Variants in ADGRB3 observed in about 807,000 individuals in gnomAD.
ADGRB3 encodes adhesion G protein-coupled receptor B3, also known as brain-specific angiogenesis inhibitor 3.
Under a neutral mutation model 193.4 loss-of-function variants are expected in ADGRB3, and 37 were observed. That is an observed-to-expected ratio of 0.19 (90% CI 0.15 to 0.25). The LOEUF (loss-of-function observed/expected upper bound fraction) is 0.25. Ranked by LOEUF, ADGRB3 falls within the 10% of genes least tolerant of loss-of-function variation. ADGRB3 has a pLI of 1.00. For missense variants in ADGRB3, 1,637 were observed against 1,852.9 expected, an observed-to-expected ratio of 0.88 and a Z score of 2.14; for synonymous variants, 690 against 644.2, an observed-to-expected ratio of 1.07 and a Z score of -1.08.
chr6:69,011,262 T>G (rs547583688), intron 11 of ADGRB3, among the ~76,000 whole-genome samples: 10 of 151,858 alleles, frequency 6.6e-5, no homozygotes, highest in African/African-American at 2.4e-4. Context: ...GCGCAAAATG[T>G]GGCACATGTA....
intron 20 of ADGRB3, among the ~76,000 whole-genome samples, chr6:69,305,756 C>G (rs948219467): frequency 1.2e-4 from 18 of 151,192 alleles, no homozygotes; most frequent in Admixed American, 4.0e-4. Context: ...GACCACAGAG[C>G]CTTCTCTTAC....
intron 3 of ADGRB3, among the ~76,000 whole-genome samples, chr6:68,717,016 G>A (rs922376962): frequency 6.6e-6 from 1 of 151,644 alleles, no homozygotes; most frequent in African/African-American, 2.4e-5. Context: ...TCACGTAGGA[G>A]CTTATCTTTC....
chr6:68,788,938 T>C (rs1303677793), intron 3 of ADGRB3, among the ~76,000 whole-genome samples: 8 of 152,220 alleles, frequency 5.3e-5, no homozygotes, highest in Non-Finnish European at 1.2e-4. Flanking sequence ...TGAACTTTGT[T>C]GGTTTAAAGT....
chr6:68,944,885 G>T (rs1321785178), intron 6 of ADGRB3, among the ~76,000 whole-genome samples: 1 of 152,108 alleles, frequency 6.6e-6, no homozygotes, highest in Non-Finnish European at 1.5e-5. Context: ...ATAAGTAATC[G>T]CTCTCTTCTT....
chr6:69,256,818 C>A (rs1766784739), intron 20 of ADGRB3, among the ~76,000 whole-genome samples: 1 of 152,270 alleles, frequency 6.6e-6, no homozygotes, highest in Non-Finnish European at 1.5e-5. Context: ...TTTGCCCATT[C>A]TGTATGATAT....
At chr6:69,273,099 C>T (rs1461852192) in intron 20 of ADGRB3, among the ~76,000 whole-genome samples, 1 of 152,122 alleles carries the variant, frequency 6.6e-6, no homozygotes, top group Non-Finnish European at 1.5e-5. Context: ...CGGGGTTTCA[C>T]CATGTTGGCC....
chr6:68,928,848 A>G (rs1767256314), intron 3 of ADGRB3, among the ~76,000 whole-genome samples: 2 of 152,190 alleles, frequency 1.3e-5, no homozygotes, highest in South Asian at 4.1e-4. Context: ...TACAAATTCA[A>G]GAGGAAATAA....
chr6:68,884,421 G>A (rs557000078), intron 3 of ADGRB3, among the ~76,000 whole-genome samples: 5 of 152,306 alleles, frequency 3.3e-5, no homozygotes, highest in Non-Finnish European at 7.4e-5. Context: ...TGGATTGAGA[G>A]TGAGAACATG....
chr6:69,091,212 A>G (rs1158106058), intron 17 of ADGRB3, among the ~76,000 whole-genome samples: 1 of 152,208 alleles, frequency 6.6e-6, no homozygotes, highest in African/African-American at 2.4e-5. Context: ...TCGTTCAGCC[A>G]TTGTGGAAGA....
chr6:68,642,765 G>T (rs1768110971), intron 3 of ADGRB3, among the ~76,000 whole-genome samples: 1 of 148,684 alleles, frequency 6.7e-6, no homozygotes, highest in Non-Finnish European at 1.5e-5. Flanking sequence ...CTTATTTCAG[G>T]CAGCTTTTTA....
At chr6:69,183,480 A>G (rs917977849) in intron 17 of ADGRB3, among the ~76,000 whole-genome samples, 1 of 152,024 alleles carries the variant, frequency 6.6e-6, no homozygotes, top group Non-Finnish European at 1.5e-5. Flanking sequence ...TGGAATTCCA[A>G]TTTCTGAAGT....
Position 69,187,341 on chromosome 6 carries a change from G to T in ADGRB3, c.2481-45949G>T, listed in dbSNP as rs367809228. Among the ~76,000 whole-genome samples, 187 of 152,242 alleles carry T rather than the reference G, an allele frequency of 1.2e-3. 2 individuals carry two copies. In the South Asian group the frequency reaches 0.031, roughly 25 times the overall value. On this transcript the variant is annotated intron_variant, in intron 17 of 31. Coordinates refer to ENST00000370598, the MANE Select transcript of ADGRB3 (RefSeq NM_001704.3). ...GACATAAGAATTTTGCCAGATATGA[G>T]GTTTAGGATGATAACAACTGCTATT...
intron 3 of ADGRB3, among the ~76,000 whole-genome samples, chr6:68,900,599 T>C (rs1766367753): frequency 6.6e-6 from 1 of 152,128 alleles, no homozygotes; most frequent in Non-Finnish European, 1.5e-5. Flanking sequence ...CCCCAGCCAC[T>C]CCTGTCATTG....
chr6:68,827,413 G>A lies in ADGRB3; in HGVS notation c.758-103146G>A, dbSNP rs186479083. 3.8e-3 allele frequency among the ~76,000 whole-genome samples: 573 copies of A among 152,112 alleles called. 3 individuals carry two copies. The highest frequency in any genetic ancestry group is 0.013 in the African/African-American group (545 of 41,506). ...ATAATAAATGAGCAATGGGGCCATCGGTAGGTAGGGGAGCAGCGATAAAAG... is the reference window on the plus strand; with the variant it reads ...ATAATAAATGAGCAATGGGGCCATCAGTAGGTAGGGGAGCAGCGATAAAAG... On this transcript the variant is annotated intron_variant, in intron 3 of 31. Coordinates refer to ENST00000370598, the MANE Select transcript of ADGRB3 (RefSeq NM_001704.3).
intron 3 of ADGRB3, among the ~76,000 whole-genome samples, chr6:68,706,754 A>AT (rs1364710417): frequency 1.3e-5 from 2 of 152,142 alleles, no homozygotes; most frequent in African/African-American, 2.4e-5. Flanking sequence ...ATATGTAATA[A>AT]TTTTTTTCCC....
chr6:68,656,413 C>A (rs996745024), intron 3 of ADGRB3, among the ~76,000 whole-genome samples: 5 of 151,444 alleles, frequency 3.3e-5, no homozygotes, highest in African/African-American at 1.2e-4. Context: ...TTATAAAGAT[C>A]AAAATAATCA....
chr6:68,813,905 C>T (rs1256589829), intron 3 of ADGRB3, among the ~76,000 whole-genome samples: 1 of 152,162 alleles, frequency 6.6e-6, no homozygotes, highest in East Asian at 1.9e-4. Context: ...TTTATGGCTG[C>T]ATAGTATTCC....
At chr6:68,815,961 A>G (rs78154292) in intron 3 of ADGRB3, among the ~76,000 whole-genome samples, 4,505 of 152,120 alleles carry the variant, frequency 0.03, 103 homozygotes, top group South Asian at 0.051. Context: ...GTATCTTACA[A>G]CATACTTTCT....
At chr6:68,811,959 G>A (rs1202592901) in intron 3 of ADGRB3, among the ~76,000 whole-genome samples, 1 of 152,154 alleles carries the variant, frequency 6.6e-6, no homozygotes, top group Non-Finnish European at 1.5e-5. Context: ...ATTTAGTGAG[G>A]TAGAGAACAC....
Sources: allele counts gnomAD v4.1 joint callset (sites outside exome capture counted in the v4.1 genomes callset), GRCh38; gene constraint gnomAD v4.1.1; transcripts MANE v1.5; gene names NCBI Gene and HGNC (gene_info 2026-07-23, HGNC 2026-07-21).